ESR1: variants seen among roughly 807,000 people sequenced by gnomAD.
ESR1 encodes estrogen receptor.
Under a neutral mutation model 52.7 loss-of-function variants are expected in ESR1, and 12 were observed. That is an observed-to-expected ratio of 0.23 (90% CI 0.15 to 0.37). The LOEUF is 0.37. Ranked by LOEUF, ESR1 falls within the 10% of genes least tolerant of loss-of-function variation. ESR1 has a pLI of 1.00. For synonymous variants in ESR1, 305 were observed against 316.8 expected (o/e 0.96, Z 0.39); for missense variants, 584 against 779.7 (o/e 0.75, Z 2.99).
chr6:151,811,009 A>G (rs1405892180), intron 1 of ESR1: 1 of 152,198 alleles, frequency 6.6e-6, no homozygotes, highest in East Asian at 1.9e-4. Flanking sequence ...TCTATTGTAG[A>G]ATGGTGCTGT....
At position 151,915,903 on chromosome 6, in the gene ESR1, G is replaced by A. The variant is rs151286759; in HGVS notation, c.761-28270G>A. Reference sequence around the variant, plus strand: ...ACCAGTAGTTATGTCAGGTTGCTAAGTATTTTCCCACTGAAGGACAAATAT... The same window carrying A: ...ACCAGTAGTTATGTCAGGTTGCTAAATATTTTCCCACTGAAGGACAAATAT... On this transcript the variant is annotated intron_variant, in intron 3 of 7. Transcript: ENST00000206249. 5.1e-3 allele frequency among the ~76,000 whole-genome samples: 768 copies of A among 151,804 alleles called. 5 individuals carry two copies. The highest frequency in any genetic ancestry group is 0.016 in the African/African-American group (677 of 41,360).
chr6:151,821,422 A>G (rs1457283066), intron 1 of ESR1, among the ~76,000 whole-genome samples: 1 of 152,220 alleles, frequency 6.6e-6, no homozygotes, highest in Non-Finnish European at 1.5e-5. Context: ...TTAGTTCTCT[A>G]GTGATGAATT....
At chr6:151,929,108 T>C (rs2033212736) in intron 3 of ESR1, among the ~76,000 whole-genome samples, 1 of 152,220 alleles carries the variant, frequency 6.6e-6, no homozygotes, top group African/African-American at 2.4e-5. Flanking sequence ...ACTATATCTG[T>C]ATTAATTTTC....
chr6:152,089,517 T>A (rs2050008173), intron 6 of ESR1, among the ~76,000 whole-genome samples: 1 of 152,214 alleles, frequency 6.6e-6, no homozygotes, highest in South Asian at 2.1e-4. Context: ...TAAACTTCCT[T>A]CTCTATAACC....
intron 4 of ESR1, among the ~76,000 whole-genome samples, chr6:151,944,835 T>G (rs2035514028): frequency 6.6e-6 from 1 of 152,212 alleles, no homozygotes; most frequent in South Asian, 2.1e-4. Flanking sequence ...GCAGAAACTT[T>G]TAACACTAAA....
At chr6:152,041,599 A>G (rs999723927) in intron 5 of ESR1, among the ~76,000 whole-genome samples, 6 of 152,200 alleles carry the variant, frequency 3.9e-5, no homozygotes, top group Non-Finnish European at 4.4e-5. Context: ...CTGGCACACA[A>G]GTGTCTCACC....
chr6:151,799,025 T>C (rs1201716548), intron 2 of ESR1, among the ~76,000 whole-genome samples: 2 of 152,224 alleles, frequency 1.3e-5, no homozygotes, highest in Non-Finnish European at 2.9e-5. Context: ...GGCAGTCTTG[T>C]TGTAGTTTCC....
At chr6:151,754,655 C>A (rs1024901986) in intron 2 of ESR1, among the ~76,000 whole-genome samples, 1 of 152,190 alleles carries the variant, frequency 6.6e-6, no homozygotes, top group Non-Finnish European at 1.5e-5. Context: ...TTCCAACATA[C>A]TTTGCCCTCC....
At chr6:151,707,857 G>T (rs1007934943) in intron 2 of ESR1, among the ~76,000 whole-genome samples, 1 of 151,928 alleles carries the variant, frequency 6.6e-6, no homozygotes, top group African/African-American at 2.4e-5. Context: ...CCTTGTCTAT[G>T]AACTTATTCT....
intron 4 of ESR1, among the ~76,000 whole-genome samples, chr6:151,958,807 G>C (rs1345290728): frequency 6.6e-6 from 1 of 152,204 alleles, no homozygotes. Context: ...TTTTCAGAAA[G>C]CATCACTCCC....
intron 4 of ESR1, among the ~76,000 whole-genome samples, chr6:151,995,183 G>A (rs34375271): frequency 0.13 from 19,423 of 152,026 alleles, 1,478 homozygotes; most frequent in East Asian, 0.33. Flanking sequence ...GTAGTGGCCC[G>A]GGATCCAAAA....
intron 2 of ESR1, among the ~76,000 whole-genome samples, chr6:151,754,703 C>T (rs1244260301): frequency 6.6e-6 from 1 of 152,196 alleles, no homozygotes; most frequent in Non-Finnish European, 1.5e-5. Context: ...TTCTCAGTCT[C>T]CTCTGCTGGT....
At chr6:151,972,945 A>C (rs560165017) in intron 4 of ESR1, among the ~76,000 whole-genome samples, 59 of 152,306 alleles carry the variant, frequency 3.9e-4, no homozygotes, top group Admixed American at 1.2e-3. Context: ...TGGGAGAAAG[A>C]TGTAGGCCAG....
At chr6:152,080,982 A>C (rs1462912801) in intron 6 of ESR1, among the ~76,000 whole-genome samples, 1 of 152,214 alleles carries the variant, frequency 6.6e-6, no homozygotes, top group Non-Finnish European at 1.5e-5. Context: ...GCAAGTCCTT[A>C]GAGACCTACG....
intron 6 of ESR1, among the ~76,000 whole-genome samples, chr6:152,073,367 C>T (rs556324070): frequency 3.3e-5 from 5 of 152,048 alleles, no homozygotes; most frequent in East Asian, 1.9e-4. Context: ...CACCAAATTA[C>T]GAAAGTAATG....
intron 1 of ESR1, among the ~76,000 whole-genome samples, chr6:151,685,234 C>T (rs1308632993): frequency 1.3e-5 from 2 of 149,510 alleles, no homozygotes; most frequent in Non-Finnish European, 3.0e-5. Flanking sequence ...CCCGGGTTCA[C>T]GCCATTCTCC....
chr6:151,797,152 A>G (rs532275545), intron 2 of ESR1, among the ~76,000 whole-genome samples: 2 of 152,386 alleles, frequency 1.3e-5, no homozygotes, highest in African/African-American at 4.8e-5. Flanking sequence ...AGATTACCCA[A>G]AAAAGTAACC....
chr6:152,040,892 A>G (rs2045735058), intron 5 of ESR1, among the ~76,000 whole-genome samples: 1 of 152,226 alleles, frequency 6.6e-6, no homozygotes, highest in African/African-American at 2.4e-5. Flanking sequence ...TCCTCATGTA[A>G]AGTACTTGTT....
chr6:151,798,073 C>G (rs559493573), intron 2 of ESR1, among the ~76,000 whole-genome samples: 1 of 152,210 alleles, frequency 6.6e-6, no homozygotes, highest in Non-Finnish European at 1.5e-5. Flanking sequence ...GGGTACACTG[C>G]CGAAAGCGAG....
Sources: gnomAD v4.1 joint callset for allele counts (sites outside exome capture counted in the v4.1 genomes callset) on GRCh38, gnomAD v4.1.1 for gene constraint, MANE v1.5 for transcripts, NCBI Gene and HGNC (gene_info 2026-07-23, HGNC 2026-07-21) for gene names.